Variants in NLRP5 observed in about 807,000 individuals in gnomAD.
The protein encoded by NLRP5 is NACHT, LRR and PYD domains-containing protein 5.
A neutral mutation model predicts 113.1 loss-of-function variants in NLRP5; 93 were observed. The ratio of observed to expected loss-of-function variants is 0.82; its 90% confidence interval spans 0.70 to 0.98. NLRP5 has a LOEUF of 0.98. NLRP5 is among the 50% of genes least tolerant of loss of function. NLRP5 has a pLI of 0.00. For synonymous variants in NLRP5, 751 were observed against 600.7 expected (o/e 1.25, Z -3.66); for missense variants, 1,808 against 1,514.3 (o/e 1.19, Z -3.22).
intron 9 of NLRP5, among the ~76,000 whole-genome samples, chr19:56,035,381 A>G (rs141836518): frequency 2.6e-5 from 4 of 152,354 alleles, no homozygotes; most frequent in African/African-American, 7.2e-5. Flanking sequence ...TAGCCAAAGC[A>G]TAAATGTTGT....
intron 2 of NLRP5, among the ~76,000 whole-genome samples, chr19:56,007,510 A>C (rs1479704936): frequency 6.6e-6 from 1 of 151,060 alleles, no homozygotes; most frequent in Non-Finnish European, 1.5e-5. Context: ...AAACATTCTG[A>C]GCATAAAGTC....
At chr19:56,047,865 T>A (rs1256280956) in intron 11 of NLRP5, among the ~76,000 whole-genome samples, 1 of 152,240 alleles carries the variant, frequency 6.6e-6, no homozygotes, top group Non-Finnish European at 1.5e-5. Context: ...ATCTCATTTT[T>A]TAGGTCTATT....
intron 13 of NLRP5, among the ~76,000 whole-genome samples, chr19:56,056,695 C>G (rs1002649385): frequency 2.6e-5 from 4 of 152,206 alleles, no homozygotes; most frequent in Non-Finnish European, 5.9e-5. Context: ...TTGCCTCTAT[C>G]CTCAGCCTCC....
At chr19:56,039,530 G>C (rs992282348) in intron 10 of NLRP5, among the ~76,000 whole-genome samples, 4 of 152,288 alleles carry the variant, frequency 2.6e-5, no homozygotes, top group Admixed American at 6.5e-5. Context: ...TCAAGGGGAA[G>C]GGGCGTTCAC....
chr19:55,987,979 A>T, the NLRP5 span: 1 of 1,235,018 alleles, frequency 8.1e-7, no homozygotes, highest in Non-Finnish European at 1.2e-6. Context: ...GGCAAATACC[A>T]GGCGTTATCA....
intron 12 of NLRP5, 23 bp from the exon 13 acceptor site, chr19:56,053,611 ACTCT>A (rs761167873): frequency 1.3e-6 from 2 of 1,595,406 alleles, no homozygotes; most frequent in South Asian, 1.1e-5. Context: ...AGAGAGGCAG[ACTCT>A]CTCTATTCCC....
the NLRP5 span, among the ~76,000 whole-genome samples, chr19:55,992,529 C>T: frequency 0.29 from 44,760 of 151,990 alleles, 6,762 homozygotes; most frequent in African/African-American, 0.32. Context: ...TCAGCAGCGT[C>T]GGTTTTTTGA....
At chr19:56,056,264 T>C (rs1168130947) in intron 13 of NLRP5, among the ~76,000 whole-genome samples, 3 of 151,980 alleles carry the variant, frequency 2.0e-5, no homozygotes. Flanking sequence ...CCTGTAACAA[T>C]AAAGAAAGCA....
Position 56,027,088 on chromosome 19 carries a change from C to G in NLRP5, c.855C>G (p.His285Gln). The change falls in exon 7 of 15, where the codon CAC (histidine) becomes CAG (glutamine). Residue 285 changes from histidine (H) to glutamine (Q), a missense_variant. Physicochemically the swap from His to Gln is conservative, Grantham distance 24 (BLOSUM62 0). Coordinates refer to ENST00000390649, the MANE Select transcript of NLRP5 (RefSeq NM_153447.4). ...TCCGGCCTCGCACGGTGGTTCTGCA[C>G]GGAAAGTCAGGAATTGGGAAATCGG... 1.3e-6 allele frequency: 2 copies of G among 1,566,536 alleles called. No homozygotes were observed. The highest frequency in any genetic ancestry group is 2.4e-5 in the South Asian group (2 of 84,990).
the NLRP5 span, chr19:55,987,807 C>G: frequency 6.2e-7 from 1 of 1,608,246 alleles, no homozygotes; most frequent in Middle Eastern, 1.7e-4. Flanking sequence ...CCTTTACCTC[C>G]CTCCAGCTGT....
Position 56,061,549 on chromosome 19 carries a change from C to A in NLRP5, c.*21C>A. On this transcript the variant is annotated 3_prime_UTR_variant, in exon 15 of 15. Transcript: ENST00000390649. ...ACTGAAGATACGGAAACCTGCCCCACTCACACCCATCTGATGGAGGAACTT... is the reference window on the plus strand; with the variant it reads ...ACTGAAGATACGGAAACCTGCCCCAATCACACCCATCTGATGGAGGAACTT... The A allele has an allele frequency of 6.2e-7, 1 of 1,613,648 alleles. No homozygotes were observed.
chr19:56,049,370 G>A (rs961342065), intron 11 of NLRP5, among the ~76,000 whole-genome samples: 13 of 151,914 alleles, frequency 8.6e-5, no homozygotes, highest in Non-Finnish European at 1.6e-4. Context: ...TAGTAGAGAT[G>A]GGGTTTCTCC....
intron 11 of NLRP5, among the ~76,000 whole-genome samples, chr19:56,047,876 A>G (rs553688745): frequency 6.6e-6 from 1 of 152,288 alleles, no homozygotes; most frequent in African/African-American, 2.4e-5. Flanking sequence ...TAGGTCTATT[A>G]GCAATTGTTT....
At chr19:56,033,414 C>T (rs570441069) in intron 8 of NLRP5, 128 bp from the exon 9 acceptor site, 3 of 732,064 alleles carry the variant, frequency 4.1e-6, no homozygotes, top group East Asian at 5.1e-5. Context: ...CTCAGGTATT[C>T]GTTGTTTTAA....
upstream of NLRP5, among the ~76,000 whole-genome samples, chr19:55,998,966 ATCTTT>A (rs1404763109): frequency 6.6e-6 from 1 of 151,450 alleles, no homozygotes. Flanking sequence ...ATATTAATAC[ATCTTT>A]TCTTAAATTC....
intron 11 of NLRP5, among the ~76,000 whole-genome samples, chr19:56,043,279 A>T (rs1198986220): frequency 6.6e-6 from 1 of 151,718 alleles, no homozygotes; most frequent in Non-Finnish European, 1.5e-5. Context: ...CTGTTTTTTT[A>T]TGTTTTGATT....
intron 7 of NLRP5, among the ~76,000 whole-genome samples, chr19:56,030,702 C>T (rs891556263): frequency 6.0e-5 from 5 of 83,914 alleles, no homozygotes; most frequent in South Asian, 4.4e-4. Context: ...TACATTCATT[C>T]GCTTTCTTCT....
chr19:55,988,442 G>GTATATATATATATATATATATATA, the NLRP5 span: 9 of 103,746 alleles, frequency 8.7e-5, no homozygotes, highest in East Asian at 2.6e-4. Flanking sequence ...ATATGTGTGT[G>GTATATATATATATATATATATATA]TGTATATATA....
chr19:56,045,668 TC>T (rs997020650), intron 11 of NLRP5, among the ~76,000 whole-genome samples: 1 of 152,130 alleles, frequency 6.6e-6, no homozygotes, highest in African/African-American at 2.4e-5. Context: ...TGGTTTTTTG[TC>T]CTTGGGATAG....
Sources: gnomAD v4.1 joint callset for allele counts (sites outside exome capture counted in the v4.1 genomes callset) on GRCh38, gnomAD v4.1.1 for gene constraint, MANE v1.5 for transcripts, NCBI Gene and HGNC (gene_info 2026-07-23, HGNC 2026-07-21) for gene names.